VAT1L: variants seen among roughly 807,000 people sequenced by gnomAD.
The protein encoded by VAT1L is vesicle amine transport 1 like, also known as putative NADPH-dependent quinone oxidoreductase VAT1L.
Under a neutral mutation model 44.1 loss-of-function variants are expected in VAT1L, and 34 were observed. The ratio of observed to expected loss-of-function variants is 0.77; its 90% CI spans 0.59 to 1.03. The LOEUF is 1.03. VAT1L is among the 50% of genes least tolerant of loss of function. The pLI, the probability that VAT1L is intolerant of heterozygous loss-of-function variation, is 0.00. For missense variants in VAT1L, 615 were observed against 538.8 expected, an observed-to-expected ratio of 1.14 and a Z score of -1.40; for synonymous variants, 253 against 202.2, an observed-to-expected ratio of 1.25 and a Z score of -2.13.
intron 7 of VAT1L, among the ~76,000 whole-genome samples, chr16:77,963,542 C>G (rs1338440690): frequency 6.6e-6 from 1 of 152,056 alleles, no homozygotes; most frequent in East Asian, 1.9e-4. Context: ...TAAATTTGTG[C>G]TTCAAGTCAC....
chr16:77,968,096 T>C (rs2018242133), intron 7 of VAT1L, among the ~76,000 whole-genome samples: 1 of 152,336 alleles, frequency 6.6e-6, no homozygotes, highest in South Asian at 2.1e-4. Context: ...TTATCTATTA[T>C]TGCATTTAAC....
chr16:77,922,685 G>C (rs767171960), intron 7 of VAT1L, among the ~76,000 whole-genome samples: 1 of 152,218 alleles, frequency 6.6e-6, no homozygotes, highest in Non-Finnish European at 1.5e-5. Flanking sequence ...GTGCCTGGCA[G>C]TGTTTTAGGC....
intron 7 of VAT1L, 27 bp from the exon 8 acceptor site, chr16:77,971,823 A>T (rs2018281087): frequency 6.2e-7 from 1 of 1,606,314 alleles, no homozygotes; most frequent in Non-Finnish European, 8.5e-7. Context: ...CCTAACCAGC[A>T]CCTCTGTTTC....
intron 3 of VAT1L, among the ~76,000 whole-genome samples, chr16:77,829,067 A>G (rs2016552634): frequency 6.6e-6 from 1 of 152,190 alleles, no homozygotes; most frequent in Admixed American, 6.5e-5. Flanking sequence ...AAAGTAGCGA[A>G]TTGCAGAACT....
intron 7 of VAT1L, among the ~76,000 whole-genome samples, chr16:77,968,140 G>C (rs149532710): frequency 6.6e-6 from 1 of 152,126 alleles, no homozygotes; most frequent in Non-Finnish European, 1.5e-5. Flanking sequence ...AGGCACTTAT[G>C]ATCTCCCAGT....
At chr16:77,940,682 T>C (rs1276766397) in intron 7 of VAT1L, among the ~76,000 whole-genome samples, 2 of 152,132 alleles carry the variant, frequency 1.3e-5, no homozygotes, top group Non-Finnish European at 2.9e-5. Flanking sequence ...ATATGAATTT[T>C]GCACCCAGCT....
chr16:77,895,033 T>C (rs11150025), intron 7 of VAT1L, among the ~76,000 whole-genome samples: 136,316 of 151,560 alleles, frequency 0.9, 61,795 homozygotes, highest in Non-Finnish European at 0.95. Flanking sequence ...TTCCTTCCTG[T>C]GTGACTTCTT....
At chr16:77,897,598 G>A (rs1481916479) in intron 7 of VAT1L, among the ~76,000 whole-genome samples, 8 of 152,166 alleles carry the variant, frequency 5.3e-5, no homozygotes, top group African/African-American at 1.9e-4. Context: ...AGCCTCCTGA[G>A]TAGCTGGGAT....
At chr16:77,901,411 G>C (rs575116854) in intron 7 of VAT1L, among the ~76,000 whole-genome samples, 1 of 151,882 alleles carries the variant, frequency 6.6e-6, no homozygotes, top group African/African-American at 2.4e-5. Context: ...TGATCCGCCC[G>C]CCTCCGCCTC....
intron 7 of VAT1L, among the ~76,000 whole-genome samples, chr16:77,950,372 G>A (rs2018027058): frequency 6.7e-6 from 1 of 150,168 alleles, no homozygotes; most frequent in African/African-American, 2.5e-5. Context: ...GCATGCCACT[G>A]CACTCCAGCC....
At chr16:77,809,622 T>G (rs1232658302) in intron 1 of VAT1L, among the ~76,000 whole-genome samples, 1 of 152,010 alleles carries the variant, frequency 6.6e-6, no homozygotes, top group East Asian at 1.9e-4. Flanking sequence ...CTGACTTGCA[T>G]TACAAAAAGT....
At chr16:77,807,273 G>A (rs1036721066) in intron 1 of VAT1L, among the ~76,000 whole-genome samples, 11 of 152,120 alleles carry the variant, frequency 7.2e-5, no homozygotes, top group Admixed American at 6.5e-4. Flanking sequence ...CACTCCCCCA[G>A]CTACCAGGAA....
At chr16:77,877,236 C>T (rs969342905) in intron 5 of VAT1L, among the ~76,000 whole-genome samples, 1 of 152,024 alleles carries the variant, frequency 6.6e-6, no homozygotes, top group South Asian at 2.1e-4. Flanking sequence ...ACAGGCCGGG[C>T]GCAGTGGCTC....
intron 3 of VAT1L, among the ~76,000 whole-genome samples, chr16:77,845,835 T>C (rs2145263712): frequency 6.6e-6 from 1 of 152,308 alleles, no homozygotes; most frequent in Non-Finnish European, 1.5e-5. Context: ...CCCTCTACAT[T>C]ATCTTTCTAA....
rs1567523113 is a variant in VAT1L, at chr16:77,961,211, GAGA to G, written c.1078-10636_1078-10634del. 2.0e-5 allele frequency among the ~76,000 whole-genome samples: 3 copies of G among 152,166 alleles called. No homozygotes were observed. The East Asian group carries it at 5.8e-4, about 30-fold the overall frequency. Reference sequence around the variant, plus strand: ...TTTGTTGGCTGCACGTCTATTCACAGAGAAGCAAAAAATTTGGAGACAGGAGTT... The same window carrying G: ...TTTGTTGGCTGCACGTCTATTCACAGAGCAAAAAATTTGGAGACAGGAGTT... On this transcript the variant is annotated intron_variant, in intron 7 of 8. Coordinates refer to ENST00000302536, the MANE Select transcript of VAT1L (RefSeq NM_020927.3).
chr16:77,956,525 T>C (rs892572262), intron 7 of VAT1L, among the ~76,000 whole-genome samples: 3 of 152,228 alleles, frequency 2.0e-5, no homozygotes, highest in Admixed American at 6.5e-5. Flanking sequence ...CACCACCCCA[T>C]AGATTTACCA....
intron 8 of VAT1L, among the ~76,000 whole-genome samples, chr16:77,976,630 T>C (rs1348061726): frequency 2.6e-5 from 4 of 152,180 alleles, no homozygotes; most frequent in Non-Finnish European, 5.9e-5. Flanking sequence ...ACAGATCATG[T>C]AGGGGATGTT....
At chr16:77,932,231 G>A (rs1411230507) in intron 7 of VAT1L, among the ~76,000 whole-genome samples, 1 of 150,550 alleles carries the variant, frequency 6.6e-6, no homozygotes, top group East Asian at 2.0e-4. Flanking sequence ...AGCCTCCCAA[G>A]TAGCTGGGAC....
intron 7 of VAT1L, among the ~76,000 whole-genome samples, chr16:77,951,270 G>C (rs1306143291): frequency 6.6e-6 from 1 of 152,234 alleles, no homozygotes. Context: ...CAAGGTCCGG[G>C]TGTAGTGGCT....
Sources: allele counts gnomAD v4.1 joint callset (sites outside exome capture counted in the v4.1 genomes callset), GRCh38; gene constraint gnomAD v4.1.1; transcripts MANE v1.5; gene names NCBI Gene and HGNC (gene_info 2026-07-23, HGNC 2026-07-21).